Variants in UBAP2L observed in about 807,000 individuals in gnomAD.
UBAP2L encodes the protein ubiquitin associated protein 2 like, also known as ubiquitin-associated protein 2-like.
UBAP2L carries 12 observed loss-of-function variants against 130.6 expected under a neutral mutation model. The ratio of observed to expected loss-of-function variants is 0.09; its 90% CI spans 0.06 to 0.15. The LOEUF (loss-of-function observed/expected upper bound fraction) is 0.15. Among genes scored for constraint, UBAP2L ranks in the 10% least tolerant of loss-of-function variants. UBAP2L has a pLI of 1.00. For synonymous variants in UBAP2L, 503 were observed against 524.7 expected, an observed-to-expected ratio of 0.96 and a Z score of 0.57; for missense variants, 965 against 1,332.5, an observed-to-expected ratio of 0.72 and a Z score of 4.29.
intron 11 of UBAP2L, among the ~76,000 whole-genome samples, chr1:154,247,856 G>A (rs1333234576): frequency 1.3e-5 from 2 of 151,882 alleles, no homozygotes; most frequent in Non-Finnish European, 2.9e-5. Context: ...AAATGTTAGA[G>A]GATTAATTTC....
chr1:154,270,629 G>A lies in UBAP2L; in HGVS notation c.*334G>A. On this transcript the variant is annotated 3_prime_UTR_variant, in exon 27 of 27. Transcript: ENST00000428931. ...GTGTACGGATGAGGCGGGGAGGTGGGACCCCCAAACATATATCAGCCCAAC... is the reference window on the plus strand; with the variant it reads ...GTGTACGGATGAGGCGGGGAGGTGGAACCCCCAAACATATATCAGCCCAAC... 7.1e-7 allele frequency: 1 copy of A among 1,408,928 alleles called. No individual in the cohort carries two copies. Among genetic ancestry groups the A allele is most frequent in the Non-Finnish European group, 9.2e-7 (1 of 1,087,186 alleles). The allele number at this position is 1,408,928 out of a possible 1,614,324, so 87.3% of individuals were successfully genotyped here. A position where few individuals can be genotyped will look rare whatever the true frequency, so the allele number is the denominator to read the frequency against.
At chr1:154,241,476 A>G in intron 8 of UBAP2L, 37 bp from the exon 9 acceptor site, 3 of 1,602,194 alleles carry the variant, frequency 1.9e-6, no homozygotes, top group South Asian at 1.1e-5. Flanking sequence ...CTGGCATTTA[A>G]TAGTGAAGTT....
chr1:154,266,596 G>A, intron 25 of UBAP2L, 28 bp downstream of exon 25: 1 of 1,608,924 alleles, frequency 6.2e-7, no homozygotes, highest in Non-Finnish European at 8.5e-7. Flanking sequence ...GATAAAAGTG[G>A]AAAAGAGATA....
chr1:154,240,935 T>TCC (rs71096517), intron 8 of UBAP2L, among the ~76,000 whole-genome samples: 1,605 of 80,720 alleles, frequency 0.02, 36 homozygotes, highest in African/African-American at 0.065. Context: ...TGTCTGTCTG[T>TCC]CCCCCCCCCC....
Position 154,251,088 on chromosome 1 carries a change from C to T in UBAP2L, c.1261C>T (p.Arg421Cys), listed in dbSNP as rs773823214. ...AGCAGTGCACAGCCCCTTTACAAAGCGCCAGGCTTTTACCCCATCTTCAAC... is the reference window on the plus strand; with the variant it reads ...AGCAGTGCACAGCCCCTTTACAAAGTGCCAGGCTTTTACCCCATCTTCAAC... ...DSAVHSPFTK[R>C]QAFTPSSTMM... Residue 421 changes from arginine (R) to cysteine (C), a missense_variant, in exon 13 of 27, where the codon CGC becomes TGC. Physicochemically the swap from Arg to Cys is radical, Grantham distance 180 (BLOSUM62 -3). Transcript: ENST00000428931. 3.7e-6 allele frequency: 6 copies of T among 1,614,042 alleles called. No individual in the cohort carries two copies. The highest frequency in any genetic ancestry group is 3.3e-5 in the South Asian group (3 of 91,082).
intron 5 of UBAP2L, 149 bp downstream of exon 5, chr1:154,234,908 C>T (rs1035489191): frequency 1.9e-6 from 2 of 1,071,608 alleles, no homozygotes; most frequent in Admixed American, 2.4e-5. Context: ...CTTGACATCT[C>T]TTGCATGTGG....
Position 154,225,870 on chromosome 1 carries a change from A to G in UBAP2L, c.90+657A>G, listed in dbSNP as rs535465180. Among the ~76,000 whole-genome samples the G allele has an allele frequency of 7.2e-5, 11 of 152,212 alleles. No individual in the cohort carries two copies. The East Asian group carries it at 1.4e-3, about 19-fold the overall frequency. On this transcript the variant is annotated intron_variant, in intron 2 of 26. Transcript: ENST00000428931. ...GCTCTGTTGCCCAGGCTTGAGTGCA[A>G]TGGCGCCACTTCGGCTCACTGCAAC...
At chr1:154,237,885 A>G (rs1372791249) in intron 8 of UBAP2L, among the ~76,000 whole-genome samples, 1 of 152,220 alleles carries the variant, frequency 6.6e-6, no homozygotes, top group East Asian at 1.9e-4. Context: ...GGGGGTGGAT[A>G]CGTGTGCCAC....
At position 154,249,349 on chromosome 1, in the gene UBAP2L, G is replaced by A; in HGVS notation, c.1125G>A (p.Leu375=). 1 of 1,614,172 alleles carries A rather than the reference G, an allele frequency of 6.2e-7. No homozygotes were observed. The highest frequency in any genetic ancestry group is 8.5e-7 in the Non-Finnish European group (1 of 1,180,038). ...QFKTAQALAQ[L]AAQHSQSGST... ...AGACTGCCCAAGCCCTGGCTCAGTTGGCAGCTCAGCATTCTCAGTCTGGAA... is the reference window on the plus strand; with the variant it reads ...AGACTGCCCAAGCCCTGGCTCAGTTAGCAGCTCAGCATTCTCAGTCTGGAA... Residue 375 remains leucine, a synonymous_variant, in exon 12 of 27, where the codon TTG becomes TTA. Transcript: ENST00000428931.
chr1:154,220,548 G>A (rs1222823855), upstream of UBAP2L: 4 of 831,608 alleles, frequency 4.8e-6, no homozygotes, highest in East Asian at 2.6e-5. Context: ...AGCCAGACCC[G>A]GCCTGAAAAC....
chr1:154,255,352 G>A, intron 17 of UBAP2L, 26 bp downstream of exon 17: 1 of 1,610,784 alleles, frequency 6.2e-7, no homozygotes, highest in Non-Finnish European at 8.5e-7. Context: ...GATGGAGGTT[G>A]GGGTTGGTGA....
chr1:154,224,904 G>A (rs1251523951), intron 1 of UBAP2L, among the ~76,000 whole-genome samples, 180 bp from the exon 2 acceptor site: 1 of 152,096 alleles, frequency 6.6e-6, no homozygotes, highest in Non-Finnish European at 1.5e-5. Flanking sequence ...ACATAAAAAT[G>A]GATTAACAGC....
chr1:154,227,263 A>T lies in UBAP2L; in HGVS notation c.91-19A>T. The T allele has an allele frequency of 3.2e-4, 461 of 1,459,142 alleles. No homozygotes were observed. The highest frequency in any genetic ancestry group is 4.1e-4 in the Non-Finnish European group (429 of 1,040,006). The allele number at this position is 1,459,142 out of a possible 1,614,324, so 90.4% of individuals were successfully genotyped here. On this transcript the variant is annotated intron_variant, in intron 2 of 26. Coordinates refer to ENST00000428931, the MANE Select transcript of UBAP2L (RefSeq NM_014847.4). ...GTTGCCTCATGATTATGCTTTCTTG[A>T]TCTCATCTCAATTCCTAGGCCACTG...
rs1472762789 is a variant in UBAP2L, at chr1:154,251,636, G to A, written c.1647G>A (p.Leu549=). The change falls in exon 14 of 27, where the codon CTG becomes CTA. Residue 549 remains leucine (L), a synonymous_variant. Coordinates refer to ENST00000428931, the MANE Select transcript of UBAP2L (RefSeq NM_014847.4). The part of the protein sequence containing the change: ...SASSSQAPSS[L]YTSTASESSS... Reference sequence around the variant, plus strand: ...CTTCAAGCCAGGCTCCAAGTAGCCTGTATACCAGCACGGCCAGGTAGAGGA... The same window carrying A: ...CTTCAAGCCAGGCTCCAAGTAGCCTATATACCAGCACGGCCAGGTAGAGGA... 4.3e-6 allele frequency: 7 copies of A among 1,614,040 alleles called. No homozygotes were observed. The Admixed American group carries it at 8.3e-5, about 19-fold the overall frequency.
chr1:154,241,071 C>CT (rs140728808), intron 8 of UBAP2L, among the ~76,000 whole-genome samples: 124 of 150,782 alleles, frequency 8.2e-4, no homozygotes, highest in African/African-American at 2.7e-3. Flanking sequence ...CCAAGAATTT[C>CT]TTTTTTTTTG....
intron 15 of UBAP2L, 41 bp from the exon 16 acceptor site, chr1:154,254,795 T>C: frequency 3.2e-6 from 5 of 1,585,560 alleles, no homozygotes; most frequent in Non-Finnish European, 4.3e-6. Flanking sequence ...TCACATGAGT[T>C]TGTCTGTTTC....
chr1:154,250,390 T>A (rs1677145833), intron 12 of UBAP2L, among the ~76,000 whole-genome samples: 2 of 152,252 alleles, frequency 1.3e-5, no homozygotes, highest in African/African-American at 4.8e-5. Flanking sequence ...GAAATCATGT[T>A]GAAGGAAACA....
At chr1:154,239,953 T>C (rs1672953828) in intron 8 of UBAP2L, among the ~76,000 whole-genome samples, 1 of 152,128 alleles carries the variant, frequency 6.6e-6, no homozygotes, top group African/African-American at 2.4e-5. Flanking sequence ...AATATTTTCC[T>C]GGGAAAGTCT....
chr1:154,241,336 C>T (rs1291599807), intron 8 of UBAP2L, among the ~76,000 whole-genome samples, 177 bp from the exon 9 acceptor site: 1 of 152,184 alleles, frequency 6.6e-6, no homozygotes, highest in Non-Finnish European at 1.5e-5. Flanking sequence ...GATCCACCCA[C>T]CTCGGCCTCT....
Sources: gnomAD v4.1 joint callset for allele counts (sites outside exome capture counted in the v4.1 genomes callset) on GRCh38, gnomAD v4.1.1 for gene constraint, MANE v1.5 for transcripts, NCBI Gene and HGNC (gene_info 2026-07-23, HGNC 2026-07-21) for gene names.